IQCH: variants seen among roughly 807,000 people sequenced by gnomAD.
IQCH encodes the protein IQ domain-containing protein H.
IQCH carries 98 observed loss-of-function variants against 117.0 expected under a neutral mutation model. That is an observed-to-expected ratio of 0.84 (90% confidence interval 0.71 to 0.99). IQCH has a LOEUF of 0.99. IQCH is among the 50% of genes least tolerant of loss of function. The probability of loss-of-function intolerance (pLI) is 0.00; values close to 1 mark genes in which losing one functional copy is unlikely to be tolerated. For synonymous variants in IQCH, 412 were observed against 448.2 expected (o/e 0.92, Z 1.02); for missense variants, 1,102 against 1,243.8 (o/e 0.89, Z 1.72).
chr15:67,374,889 C>T (rs1280631330), intron 10 of IQCH, among the ~76,000 whole-genome samples: 2 of 152,138 alleles, frequency 1.3e-5, no homozygotes, highest in Non-Finnish European at 2.9e-5. Flanking sequence ...TAATTGTGGA[C>T]CAGACCTGAT....
At chr15:67,286,066 G>A (rs1966551373) in intron 4 of IQCH, among the ~76,000 whole-genome samples, 1 of 152,146 alleles carries the variant, frequency 6.6e-6, no homozygotes, top group Non-Finnish European at 1.5e-5. Flanking sequence ...TCCAATCCAT[G>A]AACATGGAAT....
rs150373017 is a variant in IQCH, at chr15:67,321,511, CT to C, written c.388-15459del. Among the ~76,000 whole-genome samples, 10 of 128,122 alleles carry C rather than the reference CT, an allele frequency of 7.8e-5. No homozygotes were observed. The South Asian group carries it at 2.4e-3, about 31-fold the overall frequency. The allele number at this position is 128,122 out of a possible 152,430, so 84.1% of individuals were successfully genotyped here. ...CTTTTTCTTTCTTTTTTCTTTCTTT[CT>C]TTTTCTTTCTTTCTTTCTTTCCTTC... On this transcript the variant is annotated intron_variant, in intron 4 of 20. Coordinates refer to ENST00000335894, the MANE Select transcript of IQCH (RefSeq NM_001031715.3).
At chr15:67,399,476 A>G (rs1051962383) in intron 13 of IQCH, among the ~76,000 whole-genome samples, 2 of 139,406 alleles carry the variant, frequency 1.4e-5, no homozygotes, top group African/African-American at 5.3e-5. Context: ...AAATGTTTCA[A>G]ATAAAATGTC....
In IQCH at chr15:67,501,292, CACTATTGTCT is replaced by C. The variant is rs2083974095; in HGVS notation, c.*547_*556del. On this transcript the variant is annotated 3_prime_UTR_variant, in exon 21 of 21. Transcript: ENST00000335894. The surrounding 1 kb of genome is among the most constrained non-coding windows in gnomAD (Gnocchi z 5.2). Reference sequence around the variant, plus strand: ...TCATCGTGTTTTTGTTATACCAAGCCACTATTGTCTGCTATTGTTGCCATTTTTCAAAAAG... The same window carrying C: ...TCATCGTGTTTTTGTTATACCAAGCCGCTATTGTTGCCATTTTTCAAAAAG... 6.6e-6 allele frequency: 1 copy of C among 151,964 alleles called. No individual in the cohort carries two copies. The highest frequency in any genetic ancestry group is 6.6e-5 in the Admixed American group (1 of 15,244). The allele number at this position is 151,964 out of a possible 1,614,324, so 9.4% of individuals were successfully genotyped here.
intron 2 of IQCH, among the ~76,000 whole-genome samples, chr15:67,262,699 A>G (rs8035235): frequency 0.67 from 101,489 of 152,016 alleles, 34,638 homozygotes; most frequent in Middle Eastern, 0.83. Context: ...GCTGGGCAAT[A>G]TAGGGAAACC....
Position 67,463,723 on chromosome 15 carries a change from C to G in IQCH, c.2506-1404C>G, listed in dbSNP as rs1310433750. ...ATGATGCAGCCCTGATTTCATTAGA[C>G]AAACCCAGTCTGTCCTTTCTTTCTG... On this transcript the variant is annotated intron_variant, in intron 16 of 20. Transcript: ENST00000335894. This position sits in a 1 kb window ranked among gnomAD's most constrained non-coding sequence, Gnocchi z 4.0. Among the ~76,000 whole-genome samples the G allele has an allele frequency of 1.3e-5, 2 of 152,234 alleles. No individual in the cohort carries two copies. Among genetic ancestry groups the G allele is most frequent in the African/African-American group, 4.8e-5 (2 of 41,468 alleles).
At chr15:67,460,463 CTG>C (rs1240794793) in intron 16 of IQCH, among the ~76,000 whole-genome samples, 1 of 152,228 alleles carries the variant, frequency 6.6e-6, no homozygotes, top group Non-Finnish European at 1.5e-5. Context: ...CTCACAACCA[CTG>C]TCTCTAATTA....
chr15:67,297,871 A>G (rs978401685), intron 4 of IQCH, among the ~76,000 whole-genome samples: 1 of 152,186 alleles, frequency 6.6e-6, no homozygotes, highest in Non-Finnish European at 1.5e-5. Flanking sequence ...CTGCACAGCA[A>G]AAAGAAACCA....
At chr15:67,361,314 T>C (rs941174093) in intron 8 of IQCH, among the ~76,000 whole-genome samples, 3 of 152,228 alleles carry the variant, frequency 2.0e-5, no homozygotes, top group Non-Finnish European at 4.4e-5. Flanking sequence ...TTTGCCAGGC[T>C]CTGTTCCTAA....
chr15:67,257,020 A>T (rs928226900), intron 1 of IQCH, among the ~76,000 whole-genome samples: 3 of 152,162 alleles, frequency 2.0e-5, no homozygotes, highest in African/African-American at 7.2e-5. Flanking sequence ...TTCCACTTCT[A>T]TTTGGGGCTA....
At chr15:67,306,639 A>G (rs2140547228) in intron 4 of IQCH, among the ~76,000 whole-genome samples, 1 of 152,196 alleles carries the variant, frequency 6.6e-6, no homozygotes, top group Middle Eastern at 3.4e-3. Flanking sequence ...TGCATTGAAA[A>G]CACATATACC....
At chr15:67,277,272 G>A (rs920751561) in intron 3 of IQCH, among the ~76,000 whole-genome samples, 2 of 151,920 alleles carry the variant, frequency 1.3e-5, no homozygotes, top group African/African-American at 4.8e-5. Flanking sequence ...TAAATTTCTG[G>A]TCTGATAATT....
At chr15:67,435,314 G>T (rs1393626575) in intron 16 of IQCH, among the ~76,000 whole-genome samples, 2 of 152,128 alleles carry the variant, frequency 1.3e-5, no homozygotes, top group Non-Finnish European at 2.9e-5. Context: ...TGTAGGCAGG[G>T]TGTGTAATGC....
At chr15:67,400,691 G>T (rs1971626808) in intron 14 of IQCH, among the ~76,000 whole-genome samples, 1 of 150,926 alleles carries the variant, frequency 6.6e-6, no homozygotes, top group South Asian at 2.1e-4. Flanking sequence ...GACGGGGAGG[G>T]TCTCCTTATG....
intron 15 of IQCH, among the ~76,000 whole-genome samples, chr15:67,419,891 C>T (rs1266761888): frequency 6.6e-6 from 1 of 152,112 alleles, no homozygotes; most frequent in African/African-American, 2.4e-5. Flanking sequence ...AATAAAATAC[C>T]CAAGTAATCT....
At chr15:67,281,349 C>T (rs1966348639) in intron 4 of IQCH, among the ~76,000 whole-genome samples, 1 of 152,092 alleles carries the variant, frequency 6.6e-6, no homozygotes, top group Admixed American at 6.6e-5. Flanking sequence ...AACATGTATA[C>T]ACAGGAGCCT....
chr15:67,466,313 T>C lies in IQCH; in HGVS notation c.2676+1016T>C, dbSNP rs1256280032. Among the ~76,000 whole-genome samples, 2 of 152,134 alleles carry C rather than the reference T, an allele frequency of 1.3e-5. No homozygotes were observed. Among genetic ancestry groups the C allele is most frequent in the African/African-American group, 4.8e-5 (2 of 41,440 alleles). ...CAGATGCCCTTTGTGCAAGAGTGTA[T>C]TGGGGACTCTCTGGCCACGGTGCTC... On this transcript the variant is annotated intron_variant, in intron 17 of 20. Transcript: ENST00000335894. The surrounding 1 kb of genome is among the most constrained non-coding windows in gnomAD (Gnocchi z 4.4).
In IQCH at chr15:67,467,731, G is replaced by C. The variant is rs2082969745; in HGVS notation, c.2676+2434G>C. On this transcript the variant is annotated intron_variant, in intron 17 of 20. Transcript: ENST00000335894. The surrounding 1 kb of genome is among the most constrained non-coding windows in gnomAD (Gnocchi z 5.7). Reference sequence around the variant, plus strand: ...GAAGCTTCCTGAACAAGTGTGAACAGACTATGATGCCGTCAAGTTTATGAT... The same window carrying C: ...GAAGCTTCCTGAACAAGTGTGAACACACTATGATGCCGTCAAGTTTATGAT... 6.6e-6 allele frequency among the ~76,000 whole-genome samples: 1 copy of C among 152,176 alleles called. No individual in the cohort carries two copies. Among genetic ancestry groups the C allele is most frequent in the East Asian group, 1.9e-4 (1 of 5,198 alleles).
intron 4 of IQCH, among the ~76,000 whole-genome samples, chr15:67,286,596 TTATTTATTTATTTATTTATG>T: frequency 9.4e-6 from 1 of 106,270 alleles, no homozygotes; most frequent in African/African-American, 2.9e-5. Context: ...ATTTATTTAT[TTATTTATTTATTTATTTATG>T]TATTTATTTA....
Sources: gnomAD v4.1 joint callset for allele counts (sites outside exome capture counted in the v4.1 genomes callset) on GRCh38, gnomAD v4.1.1 for gene constraint, Gnocchi (gnomAD v3.1) non-coding constraint, MANE v1.5 for transcripts, NCBI Gene and HGNC (gene_info 2026-07-23, HGNC 2026-07-21) for gene names.